The following SNAP91 variants were observed in gnomAD, a reference collection of about 807,000 sequenced individuals.
The protein encoded by SNAP91 is clathrin coat assembly protein AP180.
Under a neutral mutation model 100.3 loss-of-function variants are expected in SNAP91, and 27 were observed. That is an observed-to-expected ratio of 0.27 (90% confidence interval 0.20 to 0.37). The LOEUF is 0.37. SNAP91 is among the 10% of genes least tolerant of loss of function. The pLI, the probability that SNAP91 is intolerant of heterozygous loss-of-function variation, is 1.00. For synonymous variants in SNAP91, 404 were observed against 398.6 expected (o/e 1.01, Z -0.16); for missense variants, 986 against 1,123.7 (o/e 0.88, Z 1.75).
At chr6:83,591,077 G>C (rs1407937243) in intron 22 of SNAP91, 134 bp downstream of exon 22, 1 of 619,886 alleles carries the variant, frequency 1.6e-6, no homozygotes, top group African/African-American at 1.8e-5. Context: ...TTCAATACTT[G>C]TCCCCTCCCT....
At chr6:83,613,894 A>G (rs538226731) in intron 11 of SNAP91, among the ~76,000 whole-genome samples, 1 of 152,358 alleles carries the variant, frequency 6.6e-6, no homozygotes. Context: ...AATCTAGTAG[A>G]TAATGAACCA....
intron 2 of SNAP91, among the ~76,000 whole-genome samples, chr6:83,692,929 T>C (rs1003391012): frequency 6.6e-6 from 1 of 152,128 alleles, no homozygotes; most frequent in Admixed American, 6.5e-5. Context: ...AATCATATGG[T>C]CATGTGGTGT....
At chr6:83,663,334 C>T (rs994019291) in intron 3 of SNAP91, among the ~76,000 whole-genome samples, 5 of 152,006 alleles carry the variant, frequency 3.3e-5, no homozygotes, top group East Asian at 1.9e-4. Flanking sequence ...AGTGGCATGT[C>T]GAAAGCTGAG....
intron 13 of SNAP91, among the ~76,000 whole-genome samples, chr6:83,607,208 A>T (rs1235129145): frequency 6.6e-6 from 1 of 152,062 alleles, no homozygotes; most frequent in Non-Finnish European, 1.5e-5. Context: ...ATTTCTCACT[A>T]CTGTTCTGAT....
chr6:83,562,654 C>T (rs1447980867), intron 26 of SNAP91, among the ~76,000 whole-genome samples: 1 of 152,164 alleles, frequency 6.6e-6, no homozygotes, highest in East Asian at 1.9e-4. Context: ...TACTGTCCCC[C>T]ACACTCTGCA....
intron 7 of SNAP91, among the ~76,000 whole-genome samples, chr6:83,651,697 G>A (rs1043145966): frequency 6.6e-6 from 1 of 152,128 alleles, no homozygotes; most frequent in African/African-American, 2.4e-5. Context: ...GCAAGCTTGA[G>A]AAGAATGTGC....
chr6:83,653,731 ATTAATG>A (rs2128670894), intron 7 of SNAP91, among the ~76,000 whole-genome samples: 1 of 152,278 alleles, frequency 6.6e-6, no homozygotes, highest in East Asian at 1.9e-4. Context: ...ATAGGTCTTT[ATTAATG>A]TAGTGTTAAG....
intron 16 of SNAP91, 82 bp from the exon 17 acceptor site, chr6:83,594,563 G>A: frequency 1.2e-6 from 1 of 828,664 alleles, no homozygotes; most frequent in Non-Finnish European, 1.8e-6. Context: ...GTTAAATTGT[G>A]AAGAAGGCTC....
chr6:83,588,771 T>C (rs1400733803), intron 22 of SNAP91, among the ~76,000 whole-genome samples: 1 of 152,194 alleles, frequency 6.6e-6, no homozygotes, highest in African/African-American at 2.4e-5. Flanking sequence ...TCTAGTGTTC[T>C]GGGCTCTTTG....
intron 8 of SNAP91, among the ~76,000 whole-genome samples, chr6:83,625,233 T>C (rs758405866): frequency 1.3e-5 from 2 of 152,184 alleles, no homozygotes; most frequent in Non-Finnish European, 2.9e-5. Context: ...TTCTTTTTTA[T>C]GGCTGCATAG....
intron 11 of SNAP91, among the ~76,000 whole-genome samples, chr6:83,612,960 A>G (rs1583780063): frequency 6.6e-6 from 1 of 151,802 alleles, no homozygotes. Flanking sequence ...CTAAAATATT[A>G]TAACTTCTTC....
intron 2 of SNAP91, among the ~76,000 whole-genome samples, chr6:83,682,036 A>G (rs780916404): frequency 1.3e-4 from 20 of 152,082 alleles, no homozygotes; most frequent in African/African-American, 2.4e-4. Context: ...ATTTGGTGAC[A>G]TGATGGTCCA....
chr6:83,672,974 TA>T (rs770118862), intron 2 of SNAP91, among the ~76,000 whole-genome samples: 1 of 152,146 alleles, frequency 6.6e-6, no homozygotes, highest in Non-Finnish European at 1.5e-5. Flanking sequence ...TTTTATTTTA[TA>T]ATCATCTTGT....
intron 16 of SNAP91, among the ~76,000 whole-genome samples, chr6:83,599,271 T>C (rs1460375391): frequency 2.8e-5 from 4 of 143,700 alleles, no homozygotes; most frequent in Non-Finnish European, 6.1e-5. Flanking sequence ...GGAAGTAAGA[T>C]AGAGTTGATT....
intron 4 of SNAP91, 30 bp from the exon 5 acceptor site, chr6:83,661,634 A>G (rs757923534): frequency 8.0e-7 from 1 of 1,252,432 alleles, no homozygotes; most frequent in Non-Finnish European, 1.1e-6. Flanking sequence ...AAATAAAACT[A>G]ATTAATAAAA....
intron 8 of SNAP91, among the ~76,000 whole-genome samples, chr6:83,634,415 T>G (rs2097346202): frequency 1.3e-5 from 2 of 152,150 alleles, no homozygotes; most frequent in African/African-American, 4.8e-5. Flanking sequence ...GCCTCCACAG[T>G]TTGGGCACTC....
At chr6:83,571,505 A>G (rs1807671540) in intron 26 of SNAP91, among the ~76,000 whole-genome samples, 1 of 152,090 alleles carries the variant, frequency 6.6e-6, no homozygotes, top group Admixed American at 6.5e-5. Context: ...TGGATTTTGG[A>G]CTTGCATGGG....
At chr6:83,636,883 T>C (rs2078889587) in intron 8 of SNAP91, among the ~76,000 whole-genome samples, 1 of 152,194 alleles carries the variant, frequency 6.6e-6, no homozygotes, top group South Asian at 2.1e-4. Context: ...TGGTGAATGT[T>C]GTATATAGTT....
At chr6:83,650,668 T>G (rs1231179250) in intron 7 of SNAP91, among the ~76,000 whole-genome samples, 2 of 152,212 alleles carry the variant, frequency 1.3e-5, no homozygotes, top group African/African-American at 4.8e-5. Flanking sequence ...TCCATCCCCC[T>G]TGGCATCCCA....
Sources: gnomAD v4.1 joint callset for allele counts (sites outside exome capture counted in the v4.1 genomes callset) on GRCh38, gnomAD v4.1.1 for gene constraint, MANE v1.5 for transcripts, NCBI Gene and HGNC (gene_info 2026-07-23, HGNC 2026-07-21) for gene names.